The following ADAM2 variants were observed in gnomAD, a reference collection of about 807,000 sequenced individuals.
The protein encoded by ADAM2 is disintegrin and metalloproteinase domain-containing protein 2.
Under a neutral mutation model 99.3 loss-of-function variants are expected in ADAM2, and 101 were observed. The observed-to-expected ratio is 1.02, with a 90% confidence interval of 0.87 to 1.20. The LOEUF (loss-of-function observed/expected upper bound fraction) is 1.20, where lower values mean the gene tolerates loss of function less well. Ranked by LOEUF, ADAM2 falls within the 50% of genes most tolerant of loss-of-function variation. ADAM2 has a pLI of 0.00. For synonymous variants in ADAM2, 323 were observed against 287.6 expected, an observed-to-expected ratio of 1.12 and a Z score of -1.25; for missense variants, 948 against 878.7, an observed-to-expected ratio of 1.08 and a Z score of -1.00.
chr8:39,824,191 G>C (rs895289819), intron 4 of ADAM2, among the ~76,000 whole-genome samples: 6 of 150,676 alleles, frequency 4.0e-5, no homozygotes, highest in African/African-American at 9.8e-5. Context: ...GCTGAGGCAG[G>C]AGAATCACTT....
chr8:39,811,356 G>A (rs1329019217), intron 6 of ADAM2, among the ~76,000 whole-genome samples: 2 of 152,144 alleles, frequency 1.3e-5, no homozygotes, highest in Admixed American at 6.5e-5. Flanking sequence ...GTACAAAGAG[G>A]AGCTGGTACC....
At chr8:39,765,052 A>C (rs1297180661) in intron 14 of ADAM2, among the ~76,000 whole-genome samples, 1 of 151,426 alleles carries the variant, frequency 6.6e-6, no homozygotes, top group Non-Finnish European at 1.5e-5. Context: ...TAAATAAATA[A>C]ATAAATAAAT....
chr8:39,824,274 CAA>C (rs201545294), intron 4 of ADAM2, among the ~76,000 whole-genome samples: 49 of 83,480 alleles, frequency 5.9e-4, no homozygotes, highest in African/African-American at 1.2e-3. Flanking sequence ...AACTCTATCT[CAA>C]AAAAAAAAAA....
At chr8:39,776,466 G>A (rs2129584630) in intron 11 of ADAM2, among the ~76,000 whole-genome samples, 1 of 152,170 alleles carries the variant, frequency 6.6e-6, no homozygotes, top group South Asian at 2.1e-4. Context: ...TTACTGCCTG[G>A]TTTCCTTAAA....
intron 8 of ADAM2, 57 bp downstream of exon 8, chr8:39,788,611 TG>T: frequency 8.5e-7 from 1 of 1,171,350 alleles, no homozygotes; most frequent in Non-Finnish European, 1.2e-6. Context: ...CATAATGAGG[TG>T]TAGAAATTGT....
At chr8:39,795,182 T>C (rs1385841450) in intron 7 of ADAM2, among the ~76,000 whole-genome samples, 1 of 152,130 alleles carries the variant, frequency 6.6e-6, no homozygotes, top group Non-Finnish European at 1.5e-5. Context: ...TCTGAACATA[T>C]GTGTAAGCTG....
chr8:39,767,057 G>T lies in ADAM2; in HGVS notation c.1312-14C>A, dbSNP rs530591142. On this transcript the variant is annotated splice_polypyrimidine_tract_variant and intron_variant, in intron 13 of 20. Transcript: ENST00000265708. Reference sequence around the variant, plus strand: ...TTTTGACATAAACTGATGGGATGAGGTAAATGATATTGAATTAAGCAGAAT... The same window carrying T: ...TTTTGACATAAACTGATGGGATGAGTTAAATGATATTGAATTAAGCAGAAT... 9.9e-6 allele frequency: 16 copies of T among 1,610,696 alleles called. No individual in the cohort carries two copies. The East Asian group carries it at 3.3e-4, about 34-fold the overall frequency.
At chr8:39,760,876 C>A (rs1308405634) in intron 15 of ADAM2, among the ~76,000 whole-genome samples, 1 of 101,652 alleles carries the variant, frequency 9.8e-6, no homozygotes. Context: ...GAGTGAGACT[C>A]CATCTCAAAA....
At chr8:39,838,073 C>A in intron 1 of ADAM2, 58 bp downstream of exon 1, 1 of 1,576,866 alleles carries the variant, frequency 6.3e-7, no homozygotes, top group South Asian at 1.1e-5. Flanking sequence ...AACTTGGAGG[C>A]AAAGGGAGAG....
chr8:39,784,491 C>A (rs1260920231), intron 10 of ADAM2, among the ~76,000 whole-genome samples: 1 of 152,102 alleles, frequency 6.6e-6, no homozygotes, highest in Non-Finnish European at 1.5e-5. Flanking sequence ...AGTGATCCTC[C>A]TACCTCAGTT....
chr8:39,817,856 T>C (rs549334155), intron 6 of ADAM2: 4 of 151,670 alleles, frequency 2.6e-5, no homozygotes, highest in Non-Finnish European at 5.9e-5. Context: ...AATAAATAGA[T>C]AAAATAGAAA....
chr8:39,751,761 A>G (rs1801954373), intron 16 of ADAM2, among the ~76,000 whole-genome samples: 1 of 152,176 alleles, frequency 6.6e-6, no homozygotes. Context: ...TATTATCACT[A>G]GGCGGAATAG....
intron 7 of ADAM2, among the ~76,000 whole-genome samples, chr8:39,802,673 A>G (rs1469988458): frequency 6.6e-6 from 1 of 152,126 alleles, no homozygotes; most frequent in East Asian, 1.9e-4. Context: ...CTTAAGAGAA[A>G]ACCTTTGTGC....
At chr8:39,822,223 T>C (rs1455478182) in intron 4 of ADAM2, among the ~76,000 whole-genome samples, 2 of 152,150 alleles carry the variant, frequency 1.3e-5, no homozygotes, top group African/African-American at 4.8e-5. Context: ...CTTCATACTT[T>C]ATATAATGAA....
chr8:39,806,289 G>A (rs1271305521), intron 7 of ADAM2, among the ~76,000 whole-genome samples: 1 of 151,768 alleles, frequency 6.6e-6, no homozygotes, highest in Non-Finnish European at 1.5e-5. Flanking sequence ...AGACATCAGT[G>A]ATGACACACT....
At chr8:39,803,011 CT>C (rs1804281468) in intron 7 of ADAM2, among the ~76,000 whole-genome samples, 1 of 152,158 alleles carries the variant, frequency 6.6e-6, no homozygotes, top group South Asian at 2.1e-4. Context: ...TCTCATGAAT[CT>C]TAATGCTTGC....
intron 7 of ADAM2, among the ~76,000 whole-genome samples, chr8:39,791,794 T>C (rs889524360): frequency 6.6e-5 from 10 of 152,048 alleles, no homozygotes; most frequent in Admixed American, 1.3e-4. Flanking sequence ...GTTTCTCTCC[T>C]CCTTGTTTCT....
intron 10 of ADAM2, among the ~76,000 whole-genome samples, chr8:39,777,991 A>G (rs907714061): frequency 1.3e-5 from 2 of 148,424 alleles, no homozygotes; most frequent in Admixed American, 1.4e-4. Context: ...TTTTATTGGG[A>G]AAACTAAAAT....
chr8:39,760,793 T>G (rs763202042), intron 15 of ADAM2, among the ~76,000 whole-genome samples: 8 of 146,766 alleles, frequency 5.5e-5, no homozygotes, highest in Non-Finnish European at 8.9e-5. Flanking sequence ...TATTTTAACT[T>G]CTTTACTATG....
Sources: gnomAD v4.1 joint callset for allele counts (sites outside exome capture counted in the v4.1 genomes callset) on GRCh38, gnomAD v4.1.1 for gene constraint, MANE v1.5 for transcripts, NCBI Gene and HGNC (gene_info 2026-07-23, HGNC 2026-07-21) for gene names.